Variants in PKHD1L1 observed in about 807,000 individuals in gnomAD.
The protein encoded by PKHD1L1 is PKHD1 like 1.
Under a neutral mutation model 462.9 loss-of-function variants are expected in PKHD1L1, and 434 were observed. That is an observed-to-expected ratio of 0.94 (90% CI 0.87 to 1.02). The LOEUF (loss-of-function observed/expected upper bound fraction) is 1.02, where lower values mean the gene tolerates loss of function less well. Among genes scored for constraint, PKHD1L1 ranks in the 50% least tolerant of loss-of-function variants. The pLI is 0.00. For synonymous variants in PKHD1L1, 1,781 were observed against 1,750.0 expected, an observed-to-expected ratio of 1.02 and a Z score of -0.44; for missense variants, 5,202 against 5,096.1, an observed-to-expected ratio of 1.02 and a Z score of -0.63.
intron 50 of PKHD1L1, chr8:109,470,888 G>A: frequency 7.8e-6 from 12 of 1,548,276 alleles, no homozygotes; most frequent in Non-Finnish European, 1.1e-5. Context: ...TAGAAACTGA[G>A]CCAGTAGAGG....
Position 109,445,010 on chromosome 8 carries a change from C to G in PKHD1L1, c.5141C>G (p.Thr1714Arg). ...SVNYTAIECE[T>R]SPAAQQLVDV... is the part of the protein sequence containing the mutation. ...AATTATACGGCCATTGAATGTGAAACATCCCCTGCTGCCCAACAGCTTGTG... is the reference window on the plus strand; with the variant it reads ...AATTATACGGCCATTGAATGTGAAAGATCCCCTGCTGCCCAACAGCTTGTG... The change falls in exon 38 of 78, where the codon ACA (threonine) becomes AGA (arginine). Residue 1714 changes from threonine (T) to arginine (R), a missense_variant. This residue lies in a region of PKHD1L1 where 4,497 missense variants were observed against 4,336.8 expected (regional missense o/e 1.04). Transcript: ENST00000378402. 1 of 1,613,932 alleles carries G rather than the reference C, an allele frequency of 6.2e-7. No individual in the cohort carries two copies. The highest frequency in any genetic ancestry group is 2.2e-5 in the East Asian group (1 of 44,872).
At chr8:109,403,145 G>T (rs1237555862) in intron 14 of PKHD1L1, among the ~76,000 whole-genome samples, 1 of 152,138 alleles carries the variant, frequency 6.6e-6, no homozygotes, top group Non-Finnish European at 1.5e-5. Context: ...CCTGGTATCT[G>T]TGCTCCTGCA....
chr8:109,442,888 CTT>C (rs1815883030), intron 35 of PKHD1L1, 56 bp from the exon 36 acceptor site: 10 of 1,515,404 alleles, frequency 6.6e-6, no homozygotes, highest in African/African-American at 5.5e-5. Flanking sequence ...TTTTCAGTCT[CTT>C]TTCAAATATG....
At chr8:109,463,882 G>A (rs1457768679) in intron 48 of PKHD1L1, among the ~76,000 whole-genome samples, 4 of 152,104 alleles carry the variant, frequency 2.6e-5, no homozygotes, top group African/African-American at 7.2e-5. Context: ...TATTACATAA[G>A]AAGCAAAGTA....
In PKHD1L1 at chr8:109,448,232, A is replaced by T; in HGVS notation, c.5866A>T (p.Asn1956Tyr). The change falls in exon 39 of 78, where the codon AAT (asparagine) becomes TAT (tyrosine). Residue 1956 changes from asparagine (N) to tyrosine (Y), a missense_variant. Asn to Tyr is a moderately radical substitution (Grantham distance 143). Coordinates refer to ENST00000378402, the MANE Select transcript of PKHD1L1 (RefSeq NM_177531.6). ...CGTGATGATAAATAACATTCAGTGTAATGTAACCATGGCCAATGATAGTGT... is the reference window on the plus strand; with the variant it reads ...CGTGATGATAAATAACATTCAGTGTTATGTAACCATGGCCAATGATAGTGT... The part of the protein sequence containing the change: ...ISVMINNIQC[N>Y]VTMANDSVVQ... The T allele has an allele frequency of 6.2e-7, 1 of 1,613,580 alleles. No homozygotes were observed. The highest frequency in any genetic ancestry group is 8.5e-7 in the Non-Finnish European group (1 of 1,179,762).
At chr8:109,392,681 T>TA (rs1812769644) in intron 9 of PKHD1L1, among the ~76,000 whole-genome samples, 1 of 152,082 alleles carries the variant, frequency 6.6e-6, no homozygotes, top group African/African-American at 2.4e-5. Context: ...CCTAAAAAGA[T>TA]AAAAAATCTT....
chr8:109,448,348 A>G lies in PKHD1L1; in HGVS notation c.5982A>G (p.Val1994=), dbSNP rs1488908490. 1 of 1,613,628 alleles carries G rather than the reference A, an allele frequency of 6.2e-7. No individual in the cohort carries two copies. The highest frequency in any genetic ancestry group is 8.5e-7 in the Non-Finnish European group (1 of 1,179,780). The change falls in exon 39 of 78, where the codon GTA becomes GTG. Residue 1994 remains valine, a synonymous_variant. Transcript: ENST00000378402. Reference sequence around the variant, plus strand: ...AAGGCTCAGCCATGTCCACAGTTGTATTTGAGTACCCGCTTAATATTCAAA... The same window carrying G: ...AAGGCTCAGCCATGTCCACAGTTGTGTTTGAGTACCCGCTTAATATTCAAA... ...KTKGSAMSTV[V]FEYPLNIQNI...
In PKHD1L1 at chr8:109,362,487, G is replaced by C. The variant is rs886312546; in HGVS notation, c.-94G>C. The stretch of plus-strand genomic sequence containing the variant: ...TTCCCCAGCTCTCCCGGGACGAAGC[G>C]GGCCCGCCAGCGAGTCGCAGTCCCA... On this transcript the variant is annotated 5_prime_UTR_variant, in exon 1 of 78. Coordinates refer to ENST00000378402, the MANE Select transcript of PKHD1L1 (RefSeq NM_177531.6). The C allele has an allele frequency of 7.9e-7, 1 of 1,272,196 alleles. No individual in the cohort carries two copies. The highest frequency in any genetic ancestry group is 1.1e-6 in the Non-Finnish European group (1 of 898,708). 78.8% of individuals were successfully genotyped at this position (1,272,196 alleles called of 1,614,324 possible).
chr8:109,382,508 G>A lies in PKHD1L1; in HGVS notation c.354G>A (p.Gly118=), dbSNP rs1812176984. ...DSYTVRVSVD[G]VPVTENNTCK... Reference sequence around the variant, plus strand: ...ACACTGTTAGAGTCAGTGTGGACGGGGTTCCTGTTACGGAAAATAACACCT... The same window carrying A: ...ACACTGTTAGAGTCAGTGTGGACGGAGTTCCTGTTACGGAAAATAACACCT... The change falls in exon 4 of 78, where the codon GGG becomes GGA. Residue 118 remains glycine, a synonymous_variant. Transcript: ENST00000378402. 3 of 1,612,276 alleles carry A rather than the reference G, an allele frequency of 1.9e-6. No individual in the cohort carries two copies. Among genetic ancestry groups the A allele is most frequent in the African/African-American group, 2.7e-5 (2 of 74,774 alleles).
Position 109,518,228 on chromosome 8 carries a change from C to T in PKHD1L1, c.11751C>T (p.Tyr3917=), listed in dbSNP as rs752040236. The stretch of plus-strand genomic sequence containing the variant: ...GTGAAAACTACTTTGATGGAACCTA[C>T]CAGATGCTTTATCTTTTGGTTAAAG... ...VLGENYFDGT[Y]QMLYLLVKGT... is the part of the protein sequence containing the mutation. Residue 3917 remains tyrosine, a synonymous_variant, in exon 73 of 78, where the codon TAC becomes TAT. Coordinates refer to ENST00000378402, the MANE Select transcript of PKHD1L1 (RefSeq NM_177531.6). The T allele has an allele frequency of 1.8e-5, 29 of 1,611,088 alleles. No homozygotes were observed. The highest frequency in any genetic ancestry group is 6.7e-5 in the African/African-American group (5 of 74,806).
At chr8:109,476,807 A>C in intron 52 of PKHD1L1, 140 bp downstream of exon 52, 1 of 743,456 alleles carries the variant, frequency 1.3e-6, no homozygotes, top group South Asian at 2.5e-5. Flanking sequence ...GAAAAACTGG[A>C]GACAAAATTT....
intron 40 of PKHD1L1, among the ~76,000 whole-genome samples, chr8:109,449,698 G>A (rs1586540306): frequency 6.6e-6 from 1 of 152,128 alleles, no homozygotes; most frequent in African/African-American, 2.4e-5. Context: ...ATAATAAATT[G>A]CAGTTTTTCA....
At chr8:109,379,566 C>T (rs1427567472) in intron 2 of PKHD1L1, among the ~76,000 whole-genome samples, 3 of 152,130 alleles carry the variant, frequency 2.0e-5, no homozygotes, top group African/African-American at 7.2e-5. Context: ...TGCATTGAAC[C>T]AGTGGCAGAC....
chr8:109,413,129 C>G (rs1239378142), intron 20 of PKHD1L1, among the ~76,000 whole-genome samples: 1 of 152,028 alleles, frequency 6.6e-6, no homozygotes, highest in East Asian at 1.9e-4. Flanking sequence ...TAGTACATAA[C>G]TCATCTCTAC....
At chr8:109,514,113 G>A (rs908131579) in intron 71 of PKHD1L1, among the ~76,000 whole-genome samples, 7 of 152,028 alleles carry the variant, frequency 4.6e-5, no homozygotes, top group Non-Finnish European at 8.8e-5. Context: ...GCCCCACTGA[G>A]CTCCTTGCTG....
intron 65 of PKHD1L1, 96 bp downstream of exon 65, chr8:109,497,368 A>C (rs959558466): frequency 5.0e-6 from 7 of 1,390,690 alleles, no homozygotes; most frequent in Non-Finnish European, 6.8e-6. Flanking sequence ...CTTAACTTCT[A>C]TCTCTGTCTC....
intron 46 of PKHD1L1, among the ~76,000 whole-genome samples, chr8:109,457,881 T>G (rs1300640764): frequency 2.6e-5 from 4 of 152,124 alleles, no homozygotes; most frequent in Non-Finnish European, 5.9e-5. Flanking sequence ...ATCTAAGGCC[T>G]TTTTGCATAC....
rs1284458981 is a variant in PKHD1L1 at position 109,465,032 on chromosome 8, G to A, written c.8200G>A (p.Glu2734Lys). ...AAAAGGCCTGGTTCTCCCATTTAGT[G>A]AAGGCTTGACTGTCTCTTCTGTGCA... is the stretch of plus-strand genomic sequence containing the variant. Reference protein sequence around the residue: ...TAKGLVLPFSEGLTVSSVHFM... With the variant: ...TAKGLVLPFSKGLTVSSVHFM... The change falls in exon 49 of 78, where the codon GAA (glutamate) becomes AAA (lysine). Residue 2734 changes from glutamate to lysine, a missense_variant. Around this residue, in one of 3 missense-constraint regions of PKHD1L1, gnomAD observed 4,497 missense variants for 4,336.8 expected, o/e 1.04. Coordinates refer to ENST00000378402, the MANE Select transcript of PKHD1L1 (RefSeq NM_177531.6). 4.3e-6 allele frequency: 7 copies of A among 1,613,730 alleles called. No individual in the cohort carries two copies. Among genetic ancestry groups the A allele is most frequent in the Non-Finnish European group, 5.9e-6 (7 of 1,179,818 alleles).
At chr8:109,440,407 GTATTTC>G (rs752847054) in intron 32 of PKHD1L1, among the ~76,000 whole-genome samples, 2 of 152,012 alleles carry the variant, frequency 1.3e-5, no homozygotes, top group Non-Finnish European at 2.9e-5. Flanking sequence ...AAAATCTAAT[GTATTTC>G]TTGTGACCTC....
Sources: allele counts gnomAD v4.1 joint callset (sites outside exome capture counted in the v4.1 genomes callset), GRCh38; gene constraint gnomAD v4.1.1; regional missense constraint gnomAD v4.1.1; transcripts MANE v1.5; gene names NCBI Gene and HGNC (gene_info 2026-07-23, HGNC 2026-07-21).